Variants in TNFSF4 observed in about 807,000 individuals in gnomAD.
TNFSF4 encodes tumor necrosis factor ligand superfamily member 4.
Under a neutral mutation model 7.3 loss-of-function variants are expected in TNFSF4, and 4 were observed. The ratio of observed to expected loss-of-function variants is 0.55; its 90% CI spans 0.27 to 1.25. The LOEUF (loss-of-function observed/expected upper bound fraction) is 1.25, where lower values mean the gene tolerates loss of function less well. Among genes scored for constraint, TNFSF4 ranks in the 50% most tolerant of loss-of-function variants. The pLI is 0.12. For missense variants in TNFSF4, 181 were observed against 208.8 expected, an observed-to-expected ratio of 0.87 and a Z score of 0.82; for synonymous variants, 76 against 83.7, an observed-to-expected ratio of 0.91 and a Z score of 0.50.
chr1:173,358,451 C>G, the TNFSF4 span, among the ~76,000 whole-genome samples: 3 of 152,246 alleles, frequency 2.0e-5, no homozygotes, highest in African/African-American at 7.2e-5. Context: ...CCAGAACCCT[C>G]ATAGACTGCT....
At chr1:173,323,821 T>TA in the TNFSF4 span, among the ~76,000 whole-genome samples, 3 of 151,724 alleles carry the variant, frequency 2.0e-5, no homozygotes, top group African/African-American at 7.3e-5. Context: ...AAAAAAGAAT[T>TA]AAAAAAAATG....
the TNFSF4 span, among the ~76,000 whole-genome samples, chr1:173,408,012 T>C: frequency 2.0e-5 from 3 of 152,058 alleles, no homozygotes; most frequent in African/African-American, 7.2e-5. Flanking sequence ...GCAATCTGCA[T>C]CTCACAGGCA....
the TNFSF4 span, among the ~76,000 whole-genome samples, chr1:173,311,650 T>G: frequency 6.6e-6 from 1 of 151,978 alleles, no homozygotes; most frequent in Non-Finnish European, 1.5e-5. Flanking sequence ...ACTGGGGTCG[T>G]AGGGTAAGGT....
At chr1:173,447,093 A>G in the TNFSF4 span, among the ~76,000 whole-genome samples, 1 of 152,360 alleles carries the variant, frequency 6.6e-6, no homozygotes, top group South Asian at 2.1e-4. Flanking sequence ...AATACAAGGA[A>G]GAAACTTAAA....
chr1:173,371,316 G>A, the TNFSF4 span, among the ~76,000 whole-genome samples: 1 of 152,132 alleles, frequency 6.6e-6, no homozygotes, highest in Non-Finnish European at 1.5e-5. Flanking sequence ...TTCTTGTTAT[G>A]CCTGTAAGTC....
At chr1:173,397,026 T>C in the TNFSF4 span, among the ~76,000 whole-genome samples, 1 of 152,152 alleles carries the variant, frequency 6.6e-6, no homozygotes, top group Admixed American at 6.5e-5. Flanking sequence ...AAAGACAAGG[T>C]GGGCATGGTT....
chr1:173,228,451 A>T, the TNFSF4 span, among the ~76,000 whole-genome samples: 3 of 152,236 alleles, frequency 2.0e-5, no homozygotes, highest in Admixed American at 2.0e-4. Context: ...CAAAGACCAA[A>T]GGTAGATAAA....
the TNFSF4 span, among the ~76,000 whole-genome samples, chr1:173,177,942 G>A: frequency 6.6e-6 from 1 of 152,142 alleles, no homozygotes; most frequent in South Asian, 2.1e-4. Context: ...TTGAATGATG[G>A]TTACACATCT....
chr1:173,257,246 C>G, the TNFSF4 span, among the ~76,000 whole-genome samples: 1 of 152,238 alleles, frequency 6.6e-6, no homozygotes, highest in Non-Finnish European at 1.5e-5. Flanking sequence ...AATCTAGTCC[C>G]TCTTTATTAA....
chr1:173,308,275 CTCTCTCTCTCTG>C, the TNFSF4 span, among the ~76,000 whole-genome samples: 1 of 138,552 alleles, frequency 7.2e-6, no homozygotes, highest in Non-Finnish European at 1.6e-5. Flanking sequence ...CTTTCTCTCT[CTCTCTCTCTCTG>C]TGTGTGTGTG....
At chr1:173,220,505 T>G in the TNFSF4 span, among the ~76,000 whole-genome samples, 1 of 152,200 alleles carries the variant, frequency 6.6e-6, no homozygotes, top group Non-Finnish European at 1.5e-5. Flanking sequence ...TGAATAATCT[T>G]AGTGTTATGG....
chr1:173,347,200 G>C, the TNFSF4 span, among the ~76,000 whole-genome samples: 2 of 152,226 alleles, frequency 1.3e-5, no homozygotes, highest in African/African-American at 2.4e-5. Context: ...ATTTCAATGA[G>C]ATAGCTCCCA....
the TNFSF4 span, among the ~76,000 whole-genome samples, chr1:173,350,965 A>G: frequency 1.3e-5 from 2 of 152,214 alleles, no homozygotes; most frequent in South Asian, 4.1e-4. Context: ...CTCTCTGTCT[A>G]TCTAAAGACT....
At chr1:173,205,097 C>T (rs1372034093) in intron 1 of TNFSF4, among the ~76,000 whole-genome samples, 1 of 151,922 alleles carries the variant, frequency 6.6e-6, no homozygotes, top group African/African-American at 2.4e-5. Context: ...GATCCTATAA[C>T]AATATAAGAA....
At chr1:173,281,889 A>T in the TNFSF4 span, among the ~76,000 whole-genome samples, 1 of 152,210 alleles carries the variant, frequency 6.6e-6, no homozygotes, top group Non-Finnish European at 1.5e-5. Context: ...AGAGAATAAG[A>T]ATTTGTCCAG....
the TNFSF4 span, among the ~76,000 whole-genome samples, chr1:173,422,506 G>A: frequency 1.7e-4 from 26 of 152,128 alleles, no homozygotes; most frequent in East Asian, 4.1e-3. Flanking sequence ...TACCCAGTAC[G>A]GCATGGGAGT....
the TNFSF4 span, among the ~76,000 whole-genome samples, chr1:173,398,838 A>T: frequency 2.0e-5 from 3 of 152,208 alleles, no homozygotes; most frequent in Non-Finnish European, 4.4e-5. Flanking sequence ...AAAAAGAGGC[A>T]CGATGCCTAC....
intron 1 of TNFSF4, among the ~76,000 whole-genome samples, chr1:173,191,676 G>T (rs1649485002): frequency 6.6e-6 from 1 of 152,226 alleles, no homozygotes; most frequent in Admixed American, 6.5e-5. Context: ...AAAGAGCATA[G>T]ACTTTGGAGT....
chr1:173,406,002 T>C, the TNFSF4 span, among the ~76,000 whole-genome samples: 1 of 152,318 alleles, frequency 6.6e-6, no homozygotes, highest in South Asian at 2.1e-4. Context: ...TAGAGTTTGA[T>C]CTCGACCCAC....
Sources: gnomAD v4.1 joint callset for allele counts (sites outside exome capture counted in the v4.1 genomes callset) on GRCh38, gnomAD v4.1.1 for gene constraint, MANE v1.5 for transcripts, NCBI Gene and HGNC (gene_info 2026-07-23, HGNC 2026-07-21) for gene names.